Variants in NKAIN2 observed in about 807,000 individuals in gnomAD.
NKAIN2 encodes the protein sodium/potassium-transporting ATPase subunit beta-1-interacting protein 2.
In NKAIN2, 14 loss-of-function variants were observed where a neutral mutation model predicts 32.6. The ratio of observed to expected loss-of-function variants is 0.43; its 90% CI spans 0.28 to 0.67. The LOEUF (loss-of-function observed/expected upper bound fraction) is 0.67, where lower values mean the gene tolerates loss of function less well. NKAIN2 is among the 30% of genes least tolerant of loss of function. NKAIN2 has a pLI of 0.17. For missense variants in NKAIN2, 198 were observed against 258.3 expected (o/e 0.77, Z 1.60); for synonymous variants, 80 against 87.2 (o/e 0.92, Z 0.46).
intron 1 of NKAIN2, among the ~76,000 whole-genome samples, chr6:123,841,979 GT>G (rs1774891108): frequency 6.6e-6 from 1 of 152,124 alleles, no homozygotes; most frequent in African/African-American, 2.4e-5. Context: ...GTTGGATACT[GT>G]TAGTAGATAA....
chr6:123,968,611 T>C (rs1249216802), intron 1 of NKAIN2, among the ~76,000 whole-genome samples: 1 of 152,200 alleles, frequency 6.6e-6, no homozygotes. Context: ...CTCTAAGCTG[T>C]GTCCTAGTTA....
chr6:124,038,691 C>G (rs1781720139), intron 1 of NKAIN2, among the ~76,000 whole-genome samples: 1 of 152,044 alleles, frequency 6.6e-6, no homozygotes. Flanking sequence ...CTTATAGTTT[C>G]TATATCATAA....
intron 1 of NKAIN2, among the ~76,000 whole-genome samples, chr6:123,981,640 C>T (rs911435297): frequency 3.3e-5 from 5 of 152,104 alleles, no homozygotes; most frequent in African/African-American, 4.8e-5. Context: ...GACTTGTCTG[C>T]GACAATTTGG....
chr6:124,817,515 G>A (rs1781218634), intron 5 of NKAIN2, among the ~76,000 whole-genome samples: 1 of 152,060 alleles, frequency 6.6e-6, no homozygotes, highest in East Asian at 1.9e-4. Context: ...TGTGTTCCAA[G>A]AGAGAACATC....
intron 1 of NKAIN2, among the ~76,000 whole-genome samples, chr6:123,999,104 AC>A (rs1176301270): frequency 6.6e-6 from 1 of 152,008 alleles, no homozygotes; most frequent in African/African-American, 2.4e-5. Flanking sequence ...AAACTAAACG[AC>A]CCCAGGGAAC....
At chr6:124,615,410 C>T (rs1398019437) in intron 3 of NKAIN2, among the ~76,000 whole-genome samples, 14 of 152,058 alleles carry the variant, frequency 9.2e-5, no homozygotes, top group East Asian at 3.9e-4. Context: ...CTTCAGAATA[C>T]GATAACAGAA....
intron 1 of NKAIN2, among the ~76,000 whole-genome samples, chr6:123,976,265 GTTTCC>G (rs1778570906): frequency 1.3e-5 from 1 of 74,684 alleles, no homozygotes; most frequent in Admixed American, 1.2e-4. Context: ...ATATATATAT[GTTTCC>G]ATATATATGT....
chr6:123,821,113 C>T (rs1481860242), intron 1 of NKAIN2, among the ~76,000 whole-genome samples: 14 of 152,140 alleles, frequency 9.2e-5, no homozygotes, highest in African/African-American at 3.1e-4. Context: ...ACATGCCAGC[C>T]AATCACATGT....
chr6:124,287,160 T>G (rs777012292), intron 2 of NKAIN2, among the ~76,000 whole-genome samples: 8 of 152,240 alleles, frequency 5.3e-5, no homozygotes, highest in Admixed American at 2.6e-4. Flanking sequence ...TGATATTTTC[T>G]GCTGCTTTTA....
intron 1 of NKAIN2, among the ~76,000 whole-genome samples, chr6:124,175,938 ATTT>A (rs934452132): frequency 2.0e-5 from 3 of 151,902 alleles, no homozygotes; most frequent in African/African-American, 7.3e-5. Flanking sequence ...TGCTTTTTAC[ATTT>A]TTTTAAGTAC....
intron 3 of NKAIN2, among the ~76,000 whole-genome samples, chr6:124,492,893 T>C (rs1333894107): frequency 6.6e-6 from 1 of 152,108 alleles, no homozygotes; most frequent in Middle Eastern, 3.4e-3. Context: ...TCTGGTTTTT[T>C]TGGAAACAGC....
chr6:124,805,306 C>A (rs138615353), intron 5 of NKAIN2, among the ~76,000 whole-genome samples: 10,180 of 152,198 alleles, frequency 0.067, 379 homozygotes, highest in Middle Eastern at 0.14. Flanking sequence ...TCCAGAGGAA[C>A]GATCAGACAG....
intron 5 of NKAIN2, among the ~76,000 whole-genome samples, chr6:124,801,581 C>T (rs1489226863): frequency 1.3e-5 from 2 of 152,148 alleles, no homozygotes; most frequent in Non-Finnish European, 2.9e-5. Flanking sequence ...GGGTGGTAGG[C>T]TATTTATTGT....
chr6:124,009,974 G>A (rs990027368), intron 1 of NKAIN2, among the ~76,000 whole-genome samples: 3 of 152,052 alleles, frequency 2.0e-5, no homozygotes, highest in African/African-American at 4.8e-5. Context: ...TAAAATGGGA[G>A]CCTTCGTTCA....
rs572784393 is a variant in NKAIN2 at position 124,006,273 on chromosome 6, C to T, written c.54+202019C>T. Among the ~76,000 whole-genome samples the T allele has an allele frequency of 5.9e-5, 9 of 152,192 alleles. No homozygotes were observed. In the East Asian group the frequency reaches 1.7e-3, roughly 29 times the overall value. On this transcript the variant is annotated intron_variant, in intron 1 of 6. Coordinates refer to ENST00000368417, the MANE Select transcript of NKAIN2 (RefSeq NM_001040214.3). ...AAGGTTTCAACACTCATGGCTTTTT[C>T]AAGCAATGGTGAGCAAACTGAGATT...
intron 1 of NKAIN2, among the ~76,000 whole-genome samples, chr6:124,186,642 C>G (rs1789755838): frequency 6.6e-6 from 1 of 152,104 alleles, no homozygotes; most frequent in Non-Finnish European, 1.5e-5. Flanking sequence ...TATCAGATAC[C>G]AATATATGTG....
intron 2 of NKAIN2, 120 bp downstream of exon 2, chr6:124,283,262 G>C (rs1795388173): frequency 4.7e-6 from 3 of 639,642 alleles, no homozygotes. Flanking sequence ...TCTCTTTTAA[G>C]TACCATGTGT....
chr6:124,552,973 G>A (rs1183398131), intron 3 of NKAIN2, among the ~76,000 whole-genome samples: 1 of 152,078 alleles, frequency 6.6e-6, no homozygotes, highest in Non-Finnish European at 1.5e-5. Context: ...CAAACAAAAG[G>A]TTTTTTTAAT....
chr6:123,885,818 A>G (rs868362954), intron 1 of NKAIN2, among the ~76,000 whole-genome samples: 12 of 152,078 alleles, frequency 7.9e-5, no homozygotes, highest in Non-Finnish European at 1.8e-4. Flanking sequence ...GCACACAAAT[A>G]TAAGAAATAC....
Sources: gnomAD v4.1 joint callset for allele counts (sites outside exome capture counted in the v4.1 genomes callset) on GRCh38, gnomAD v4.1.1 for gene constraint, MANE v1.5 for transcripts, NCBI Gene and HGNC (gene_info 2026-07-23, HGNC 2026-07-21) for gene names.